Variants in TENM1 observed in about 807,000 individuals in gnomAD.
TENM1 encodes teneurin transmembrane protein 1.
In TENM1, 35 loss-of-function variants were observed where a neutral mutation model predicts 174.8. The ratio of observed to expected loss-of-function variants is 0.20; its 90% CI spans 0.15 to 0.27. The LOEUF (loss-of-function observed/expected upper bound fraction) is 0.27. Among genes scored for constraint, TENM1 ranks in the 10% least tolerant of loss-of-function variants. TENM1 has a pLI of 1.00. For synonymous variants in TENM1, 781 were observed against 798.7 expected, an observed-to-expected ratio of 0.98 and a Z score of 0.37; for missense variants, 1,633 against 2,130.1, an observed-to-expected ratio of 0.77 and a Z score of 4.59.
chrX:125,004,267 A>T, the TENM1 span, among the ~76,000 whole-genome samples: 1 of 111,259 alleles, frequency 9.0e-6, no homozygotes, highest in Non-Finnish European at 1.9e-5. Context: ...GTGGATTTTC[A>T]TTTTGACAAG....
chrX:124,985,289 G>T, the TENM1 span, among the ~76,000 whole-genome samples: 5 of 112,267 alleles, frequency 4.5e-5, no homozygotes, highest in Non-Finnish European at 1.9e-5. Context: ...CCTTGGAAGT[G>T]ATGCAAAGCA....
rs935601957 is a variant in TENM1, at chrX:124,807,423, A to T, written c.536-70226T>A. 6.2e-5 allele frequency among the ~76,000 whole-genome samples: 7 copies of T among 112,167 alleles called. No individual in the cohort carries two copies. The Admixed American group carries it at 6.6e-4, about 11-fold the overall frequency. ...AGCAGAGGGAGTTCATAACCACCAG[A>T]TCTTGTTTACAAGAAATGCTAAAAA... is the stretch of plus-strand genomic sequence containing the variant. On this transcript the variant is annotated intron_variant, in intron 3 of 31. Coordinates refer to ENST00000422452, the Ensembl canonical transcript of TENM1.
chrX:124,394,328 G>T (rs2060311644), intron 27 of TENM1, among the ~76,000 whole-genome samples: 1 of 112,219 alleles, frequency 8.9e-6, no homozygotes, highest in Non-Finnish European at 1.9e-5. Context: ...CAAGAAAAGT[G>T]CATATAAAAT....
chrX:124,915,819 A>G lies in TENM1; in HGVS notation c.218-19578T>C, dbSNP rs1394408277. ...TAAAGGGTTCATACAGATGGAAAAA[A>G]GGGAGAAAATACTGGAAAAAAGATT... is the stretch of plus-strand genomic sequence containing the variant. On this transcript the variant is annotated intron_variant, in intron 1 of 31. Transcript: ENST00000422452. 2.7e-5 allele frequency among the ~76,000 whole-genome samples: 3 copies of G among 112,220 alleles called. No homozygotes were observed. In the East Asian group the frequency reaches 8.4e-4, roughly 32 times the overall value.
intron 1 of TENM1, among the ~76,000 whole-genome samples, chrX:124,910,726 A>T (rs770326865): frequency 9.0e-6 from 1 of 110,721 alleles, no homozygotes; most frequent in South Asian, 3.9e-4. Flanking sequence ...TTCAGCATCA[A>T]TTACTTTGGC....
chrX:124,984,760 C>T, the TENM1 span, among the ~76,000 whole-genome samples: 1 of 112,230 alleles, frequency 8.9e-6, no homozygotes, highest in South Asian at 3.7e-4. Context: ...TGTTATATCA[C>T]TGGTAGCTGG....
the TENM1 span, among the ~76,000 whole-genome samples, chrX:124,974,236 G>A: frequency 9.0e-6 from 1 of 111,667 alleles, no homozygotes; most frequent in African/African-American, 3.3e-5. Context: ...TGGCAGCAGA[G>A]CCCTCATTTC....
At chrX:124,479,593 G>GA (rs1210442216) in intron 22 of TENM1, among the ~76,000 whole-genome samples, 65 of 105,653 alleles carry the variant, frequency 6.2e-4, no homozygotes, top group African/African-American at 1.7e-3. Context: ...TGCTTTCCAA[G>GA]AAAAAAAAAA....
intron 1 of TENM1, among the ~76,000 whole-genome samples, chrX:124,903,603 C>A (rs1477216774): frequency 2.7e-5 from 3 of 112,098 alleles, no homozygotes; most frequent in African/African-American, 9.7e-5. Context: ...GTGAACGGCT[C>A]CATTTAGACT....
At chrX:124,412,763 G>A (rs985075476) in intron 25 of TENM1, among the ~76,000 whole-genome samples, 3 of 112,707 alleles carry the variant, frequency 2.7e-5, no homozygotes, top group Admixed American at 1.9e-4. Flanking sequence ...GGGATACAGT[G>A]CTGAATGAAA....
chrX:124,898,092 A>G (rs1218541907), intron 1 of TENM1, among the ~76,000 whole-genome samples: 1 of 111,995 alleles, frequency 8.9e-6, no homozygotes, highest in Non-Finnish European at 1.9e-5. Flanking sequence ...CTCCCCTAGA[A>G]CAGTGGCTCT....
chrX:124,828,137 AAC>A (rs1438742825), intron 3 of TENM1, among the ~76,000 whole-genome samples: 45 of 112,048 alleles, frequency 4.0e-4, no homozygotes, highest in African/African-American at 1.4e-3. Context: ...AAAATTTAAA[AAC>A]AGGTTTTAAC....
intron 6 of TENM1, among the ~76,000 whole-genome samples, chrX:124,661,718 T>C (rs1374608118): frequency 9.0e-6 from 1 of 111,672 alleles, no homozygotes; most frequent in Non-Finnish European, 1.9e-5. Flanking sequence ...CAGCTACTCA[T>C]TGGGCATTTA....
the TENM1 span, among the ~76,000 whole-genome samples, chrX:125,202,028 G>A: frequency 9.0e-6 from 1 of 111,441 alleles, no homozygotes; most frequent in African/African-American, 3.3e-5. Context: ...AGTTAAAGGT[G>A]TGGATCGCCT....
At chrX:124,966,968 G>T (rs1349840272), upstream of TENM1, among the ~76,000 whole-genome samples, 1 of 111,539 alleles carries the variant, frequency 9.0e-6, no homozygotes, top group Non-Finnish European at 1.9e-5. Context: ...AAATGCATAA[G>T]ACATAGTCTC....
intron 3 of TENM1, among the ~76,000 whole-genome samples, chrX:124,863,036 C>A (rs1325075718): frequency 9.2e-6 from 1 of 108,617 alleles, no homozygotes; most frequent in Admixed American, 9.9e-5. Context: ...CAGAAGGGAA[C>A]CTGCTGCCTT....
chrX:125,152,252 T>TAAA, the TENM1 span, among the ~76,000 whole-genome samples: 1 of 97,889 alleles, frequency 1.0e-5, no homozygotes, highest in Non-Finnish European at 2.1e-5. Context: ...TTTGTATTTT[T>TAAA]AAAAAAAAAA....
intron 11 of TENM1, among the ~76,000 whole-genome samples, chrX:124,576,539 G>C (rs2049170141): frequency 8.9e-6 from 1 of 112,068 alleles, no homozygotes; most frequent in African/African-American, 3.2e-5. Flanking sequence ...CTGCCTCACA[G>C]AGGCATGAAA....
At chrX:125,178,955 C>T in the TENM1 span, among the ~76,000 whole-genome samples, 1 of 107,401 alleles carries the variant, frequency 9.3e-6, no homozygotes, top group Non-Finnish European at 1.9e-5. Flanking sequence ...TGGGTGAAAG[C>T]GTGAGACCCC....
Sources: allele counts gnomAD v4.1 joint callset (sites outside exome capture counted in the v4.1 genomes callset), GRCh38; gene constraint gnomAD v4.1.1; transcripts MANE v1.5; gene names NCBI Gene and HGNC (gene_info 2026-07-23, HGNC 2026-07-21).